The following SV2C variants were observed in gnomAD, a reference collection of about 807,000 sequenced individuals.
SV2C encodes the protein solute carrier family 22 member B3.
In SV2C, 49 loss-of-function variants were observed where a neutral mutation model predicts 79.7. The ratio of observed to expected loss-of-function variants is 0.61; its 90% CI spans 0.49 to 0.78. The LOEUF is 0.78. Among genes scored for constraint, SV2C ranks in the 30% least tolerant of loss-of-function variants. The pLI, the probability that SV2C is intolerant of heterozygous loss-of-function variation, is 0.00. For synonymous variants in SV2C, 334 were observed against 333.2 expected (o/e 1.00, Z -0.03); for missense variants, 833 against 912.9 (o/e 0.91, Z 1.13).
chr5:76,290,596 G>A (rs371749453), intron 6 of SV2C, among the ~76,000 whole-genome samples: 5 of 152,234 alleles, frequency 3.3e-5, no homozygotes, highest in African/African-American at 9.6e-5. Flanking sequence ...TGCTTTTCAT[G>A]CTGAACCTCT....
At chr5:75,952,689 C>G in the SV2C span, among the ~76,000 whole-genome samples, 2 of 151,858 alleles carry the variant, frequency 1.3e-5, no homozygotes, top group East Asian at 3.9e-4. Context: ...CATCTTCCAC[C>G]ATGGGTAAAT....
chr5:75,911,316 A>C, the SV2C span: 2 of 1,371,572 alleles, frequency 1.5e-6, no homozygotes, highest in Non-Finnish European at 2.1e-6. Context: ...GGCAGCCTTC[A>C]TCATCTGCCA....
the SV2C span, among the ~76,000 whole-genome samples, chr5:76,075,044 G>A: frequency 6.6e-6 from 1 of 152,114 alleles, no homozygotes; most frequent in African/African-American, 2.4e-5. Context: ...TAAAAAAGAG[G>A]AAATGTATTA....
the SV2C span, among the ~76,000 whole-genome samples, chr5:75,873,585 A>C: frequency 6.6e-6 from 1 of 152,170 alleles, no homozygotes; most frequent in Non-Finnish European, 1.5e-5. Flanking sequence ...CCTAAGGGGA[A>C]AAATATCAGA....
chr5:76,340,889 C>T (rs1361232499), intron 12 of SV2C, among the ~76,000 whole-genome samples: 2 of 150,408 alleles, frequency 1.3e-5, no homozygotes, highest in African/African-American at 2.4e-5. Flanking sequence ...GGATTACAGT[C>T]ATGAGTCACT....
intron 1 of SV2C, among the ~76,000 whole-genome samples, chr5:76,127,129 C>T (rs1391419215): frequency 6.6e-6 from 1 of 152,142 alleles, no homozygotes; most frequent in Non-Finnish European, 1.5e-5. Context: ...GGAGGCGGAG[C>T]TATCCAAGAT....
intron 1 of SV2C, among the ~76,000 whole-genome samples, chr5:76,114,966 T>A (rs1268764412): frequency 1.3e-5 from 2 of 152,240 alleles, no homozygotes; most frequent in African/African-American, 4.8e-5. Context: ...TTGATGTTAT[T>A]TCATCTTAAC....
At chr5:76,031,044 CATG>C in the SV2C span, among the ~76,000 whole-genome samples, 124 of 152,242 alleles carry the variant, frequency 8.1e-4, no homozygotes, top group African/African-American at 1.0e-3. Flanking sequence ...ATCAGCATAT[CATG>C]ATATTTTTGA....
chr5:76,319,404 C>T (rs773250773), intron 12 of SV2C, among the ~76,000 whole-genome samples: 23 of 151,684 alleles, frequency 1.5e-4, no homozygotes, highest in Non-Finnish European at 2.5e-4. Context: ...GGCCACAGAG[C>T]GAGACTCCAT....
the SV2C span, among the ~76,000 whole-genome samples, chr5:75,917,725 TAGAA>T: frequency 6.6e-6 from 1 of 152,120 alleles, no homozygotes; most frequent in South Asian, 2.1e-4. Flanking sequence ...CCCAAAAAAA[TAGAA>T]AGAATGGATA....
the SV2C span, among the ~76,000 whole-genome samples, chr5:76,035,677 A>G: frequency 1.3e-5 from 2 of 152,168 alleles, no homozygotes; most frequent in Admixed American, 6.5e-5. Context: ...TATGTGGTCA[A>G]TTTTGGAATA....
intron 1 of SV2C, among the ~76,000 whole-genome samples, chr5:76,114,660 T>C (rs1197701965): frequency 6.6e-6 from 1 of 152,212 alleles, no homozygotes; most frequent in Non-Finnish European, 1.5e-5. Context: ...TCTTTGAGCT[T>C]TCTTTTGTGG....
chr5:76,116,128 A>C (rs1748257283), intron 1 of SV2C, among the ~76,000 whole-genome samples: 1 of 152,224 alleles, frequency 6.6e-6, no homozygotes. Context: ...GGTCATTTGA[A>C]TTTAAATTAC....
intron 12 of SV2C, among the ~76,000 whole-genome samples, chr5:76,346,573 G>A (rs748104288): frequency 5.2e-4 from 79 of 152,294 alleles, no homozygotes; most frequent in African/African-American, 1.8e-3. Flanking sequence ...CGTGGCAGTC[G>A]CTGCGGTCAG....
At chr5:76,073,329 T>G in the SV2C span, among the ~76,000 whole-genome samples, 1 of 151,852 alleles carries the variant, frequency 6.6e-6, no homozygotes, top group Non-Finnish European at 1.5e-5. Flanking sequence ...TATCCCAGCA[T>G]CATTTTTTGA....
At chr5:76,045,581 C>T in the SV2C span, among the ~76,000 whole-genome samples, 29 of 152,102 alleles carry the variant, frequency 1.9e-4, no homozygotes, top group Non-Finnish European at 3.4e-4. Flanking sequence ...ATGCATTGAG[C>T]GAATTAGCTG....
the SV2C span, among the ~76,000 whole-genome samples, chr5:76,024,209 A>G: frequency 0.82 from 124,645 of 152,156 alleles, 51,734 homozygotes; most frequent in African/African-American, 0.95. Flanking sequence ...GATTTCTATA[A>G]GCATTGTTAG....
intron 1 of SV2C, among the ~76,000 whole-genome samples, chr5:76,116,958 C>T (rs1407618543): frequency 6.6e-6 from 1 of 152,062 alleles, no homozygotes; most frequent in African/African-American, 2.4e-5. Flanking sequence ...ACATACTTTA[C>T]CCGAGATGGG....
chr5:76,318,419 A>AAAAG (rs1190747778), intron 12 of SV2C, among the ~76,000 whole-genome samples: 1 of 152,106 alleles, frequency 6.6e-6, no homozygotes, highest in Non-Finnish European at 1.5e-5. Flanking sequence ...CTCCATCTCA[A>AAAAG]AAAGAAAGAA....
Sources: allele counts gnomAD v4.1 joint callset (sites outside exome capture counted in the v4.1 genomes callset), GRCh38; gene constraint gnomAD v4.1.1; transcripts MANE v1.5; gene names NCBI Gene and HGNC (gene_info 2026-07-23, HGNC 2026-07-21).